Variants in NEURL1B observed in about 807,000 individuals in gnomAD.
NEURL1B encodes the protein E3 ubiquitin-protein ligase NEURL1B.
NEURL1B carries 13 observed loss-of-function variants against 37.4 expected under a neutral mutation model. The observed-to-expected ratio is 0.35, with a 90% CI of 0.23 to 0.55. The LOEUF (loss-of-function observed/expected upper bound fraction) is 0.55, where lower values mean the gene tolerates loss of function less well. Among genes scored for constraint, NEURL1B ranks in the 20% least tolerant of loss-of-function variants. The pLI, the probability that NEURL1B is intolerant of heterozygous loss-of-function variation, is 0.89. For missense variants in NEURL1B, 790 were observed against 879.2 expected (o/e 0.90, Z 1.28); for synonymous variants, 432 against 426.6 (o/e 1.01, Z -0.16).
At chr5:172,678,665 C>A (rs1758286972) in intron 2 of NEURL1B, among the ~76,000 whole-genome samples, 3 of 152,128 alleles carry the variant, frequency 2.0e-5, no homozygotes, top group Non-Finnish European at 4.4e-5. Flanking sequence ...GTAAGTGACA[C>A]CACCCCCTTG....
chr5:172,683,581 C>A lies in NEURL1B; in HGVS notation c.740C>A (p.Pro247Gln). ...GGCCACCTGGCGCTGGGCCGCGCCC[C>A]GGGCCCACCGCCAGCCGACGCCGCG... ...KLGHLALGRAPGPPPADAAAA... is the reference protein window; with the variant it reads ...KLGHLALGRAQGPPPADAAAA... Residue 247 changes from proline (P) to glutamine (Q), a missense_variant, in exon 3 of 5, where the codon CCG (proline) becomes CAG (glutamine). Physicochemically the swap from Pro to Gln is moderately conservative, Grantham distance 76. Transcript: ENST00000369800. This position sits in a 1 kb window ranked among gnomAD's most constrained non-coding sequence, Gnocchi z 5.6. 7.5e-7 allele frequency: 1 copy of A among 1,341,890 alleles called. No individual in the cohort carries two copies. The highest frequency in any genetic ancestry group is 1.7e-5 in the South Asian group (1 of 57,484). 83.1% of individuals were successfully genotyped at this position (1,341,890 alleles called of 1,614,324 possible). A position where few individuals can be genotyped will look rare whatever the true frequency, so the allele number is the denominator to read the frequency against.
chr5:172,654,296 A>G (rs936314280), intron 1 of NEURL1B, among the ~76,000 whole-genome samples: 6 of 152,320 alleles, frequency 3.9e-5, no homozygotes, highest in East Asian at 3.9e-4. Context: ...GAGCAGACCA[A>G]TTATTAGGCA....
intron 3 of NEURL1B, among the ~76,000 whole-genome samples, chr5:172,684,394 GCT>G (rs1758441776): frequency 2.0e-5 from 3 of 152,084 alleles, no homozygotes; most frequent in African/African-American, 7.2e-5. Context: ...GCCCGGAGAT[GCT>G]GACGTTGCGG....
intron 3 of NEURL1B, among the ~76,000 whole-genome samples, chr5:172,685,312 A>G (rs1019762725): frequency 1.2e-4 from 19 of 152,178 alleles, no homozygotes; most frequent in African/African-American, 4.6e-4. Flanking sequence ...TTATTTGGTC[A>G]GAGTGTTTTT....
At chr5:172,650,136 G>A (rs991504193) in intron 1 of NEURL1B, among the ~76,000 whole-genome samples, 2 of 152,158 alleles carry the variant, frequency 1.3e-5, no homozygotes, top group Non-Finnish European at 2.9e-5. Context: ...CCTCAGGCAC[G>A]TATTTTCTTT....
At chr5:172,679,362 A>G (rs2113323473) in intron 2 of NEURL1B, among the ~76,000 whole-genome samples, 1 of 152,364 alleles carries the variant, frequency 6.6e-6, no homozygotes, top group East Asian at 1.9e-4. Context: ...CCATCAGGGT[A>G]TGGAGCTGCG....
chr5:172,680,049 C>G (rs776726296), intron 2 of NEURL1B, among the ~76,000 whole-genome samples: 5 of 152,186 alleles, frequency 3.3e-5, no homozygotes, highest in Non-Finnish European at 5.9e-5. Flanking sequence ...AGCACAGGAG[C>G]CACGCCTGTG....
chr5:172,676,683 A>T lies in NEURL1B; in HGVS notation c.577+6353A>T, dbSNP rs1394055963. ...GGCCTTGGAAAGGTGTCATTTGCCCAGCTTGGAAGCACTGAGATCCCTTGT... is the reference window on the plus strand; with the variant it reads ...GGCCTTGGAAAGGTGTCATTTGCCCTGCTTGGAAGCACTGAGATCCCTTGT... On this transcript the variant is annotated intron_variant, in intron 2 of 4. Coordinates refer to ENST00000369800, the MANE Select transcript of NEURL1B (RefSeq NM_001142651.3). The surrounding 1 kb of genome is among the most constrained non-coding windows in gnomAD (Gnocchi z 4.5). 6.6e-6 allele frequency among the ~76,000 whole-genome samples: 1 copy of T among 152,228 alleles called. No homozygotes were observed. Among genetic ancestry groups the T allele is most frequent in the African/African-American group, 2.4e-5 (1 of 41,464 alleles).
In NEURL1B at chr5:172,684,151, C is replaced by G; in HGVS notation, c.1297+13C>G. ...CTGCGTCTCCTCGGTGAGTCCCCGGCCCCGCGTGCGCGAGGCCCCGCCCCT... is the reference window on the plus strand; with the variant it reads ...CTGCGTCTCCTCGGTGAGTCCCCGGGCCCGCGTGCGCGAGGCCCCGCCCCT... On this transcript the variant is annotated intron_variant, in intron 3 of 4. Transcript: ENST00000369800. The G allele has an allele frequency of 4.1e-6, 5 of 1,228,708 alleles. No homozygotes were observed. The highest frequency in any genetic ancestry group is 5.1e-6 in the Non-Finnish European group (5 of 985,036). The allele number at this position is 1,228,708 out of a possible 1,614,324, so 76.1% of individuals were successfully genotyped here.
At chr5:172,660,132 T>G (rs970964860) in intron 1 of NEURL1B, among the ~76,000 whole-genome samples, 1 of 152,146 alleles carries the variant, frequency 6.6e-6, no homozygotes, top group African/African-American at 2.4e-5. Context: ...TGAGGGCACA[T>G]TCCCCCCACC....
rs3059179 is a variant in NEURL1B at position 172,691,528 on chromosome 5, TAAAAA to T, written c.*4611_*4615del. On this transcript the variant is annotated 3_prime_UTR_variant, in exon 5 of 5. Coordinates refer to ENST00000369800, the MANE Select transcript of NEURL1B (RefSeq NM_001142651.3). Reference sequence around the variant, plus strand: ...TTAAAAAAATACAACTTTGGCTTGTTAAAAAAAAAAAAGTCTTCAGAACTCAATTT... The same window carrying T: ...TTAAAAAAATACAACTTTGGCTTGTTAAAAAAAGTCTTCAGAACTCAATTT... 1 of 147,188 alleles carries T rather than the reference TAAAAA, an allele frequency of 6.8e-6. No homozygotes were observed. The highest frequency in any genetic ancestry group is 6.8e-5 in the Admixed American group (1 of 14,714). The allele number at this position is 147,188 out of a possible 1,614,324, so 9.1% of individuals were successfully genotyped here.
Position 172,661,284 on chromosome 5 carries a change from T to A in NEURL1B, c.32-8501T>A, listed in dbSNP as rs1757896328. Among the ~76,000 whole-genome samples, 1 of 152,150 alleles carries A rather than the reference T, an allele frequency of 6.6e-6. No homozygotes were observed. The highest frequency in any genetic ancestry group is 2.1e-4 in the South Asian group (1 of 4,822). ...AGATTGTGCATGGAGTCTGGGTATG[T>A]TTCTGGGGGGAAACCCTGAAGTTGA... is the stretch of plus-strand genomic sequence containing the variant. On this transcript the variant is annotated intron_variant, in intron 1 of 4. Transcript: ENST00000369800. The surrounding 1 kb of genome is among the most constrained non-coding windows in gnomAD (Gnocchi z 4.0).
chr5:172,670,245 G>T lies in NEURL1B; in HGVS notation c.492G>T (p.Val164=). The change falls in exon 2 of 5, where the codon GTG becomes GTT. Residue 164 remains valine, a synonymous_variant. Coordinates refer to ENST00000369800, the MANE Select transcript of NEURL1B (RefSeq NM_001142651.3). ...ACAGCGTGAACGACGGCGAGCCGGT[G>T]CTCTTCCACTGCGGCGTGGCCGTGG... ...VFYSVNDGEP[V]LFHCGVAVGG... 1 of 1,402,914 alleles carries T rather than the reference G, an allele frequency of 7.1e-7. No individual in the cohort carries two copies. Among genetic ancestry groups the T allele is most frequent in the East Asian group, 3.0e-5 (1 of 33,534 alleles). 86.9% of individuals were successfully genotyped at this position (1,402,914 alleles called of 1,614,324 possible).
intron 1 of NEURL1B, among the ~76,000 whole-genome samples, chr5:172,659,902 C>T (rs1380448409): frequency 1.3e-5 from 2 of 152,218 alleles, no homozygotes; most frequent in African/African-American, 2.4e-5. Flanking sequence ...AAGCAGCTCC[C>T]CTGAGAAGCT....
At chr5:172,664,166 G>C (rs554142890) in intron 1 of NEURL1B, among the ~76,000 whole-genome samples, 2 of 152,264 alleles carry the variant, frequency 1.3e-5, no homozygotes, top group East Asian at 3.9e-4. Context: ...TACTTCAGTG[G>C]TACTTATGGA....
intron 1 of NEURL1B, among the ~76,000 whole-genome samples, chr5:172,652,583 G>A (rs544069657): frequency 3.3e-5 from 5 of 152,288 alleles, no homozygotes; most frequent in Admixed American, 2.0e-4. Context: ...GACCAACTAC[G>A]GCATAAAAGC....
chr5:172,655,526 C>T (rs1262950695), intron 1 of NEURL1B, among the ~76,000 whole-genome samples: 4 of 152,126 alleles, frequency 2.6e-5, no homozygotes, highest in Non-Finnish European at 5.9e-5. Flanking sequence ...CCACTCACTC[C>T]GTCCAGCAGT....
rs1420800760 is a variant in NEURL1B, at chr5:172,641,700, C to A, written c.31+263C>A. Reference sequence around the variant, plus strand: ...GCTTTGGCCAGATGCGCAAAAAGGGCCGCTGGGGCGATGCCGCGCGCCCCC... The same window carrying A: ...GCTTTGGCCAGATGCGCAAAAAGGGACGCTGGGGCGATGCCGCGCGCCCCC... On this transcript the variant is annotated intron_variant, in intron 1 of 4. Transcript: ENST00000369800. The surrounding 1 kb of genome is among the most constrained non-coding windows in gnomAD (Gnocchi z 6.4). 6.6e-6 allele frequency among the ~76,000 whole-genome samples: 1 copy of A among 152,226 alleles called. No homozygotes were observed. The highest frequency in any genetic ancestry group is 1.5e-5 in the Non-Finnish European group (1 of 68,036).
intron 1 of NEURL1B, among the ~76,000 whole-genome samples, chr5:172,643,505 A>G (rs1414631722): frequency 2.0e-5 from 3 of 152,094 alleles, no homozygotes; most frequent in Non-Finnish European, 4.4e-5. Flanking sequence ...TGCTATCTGG[A>G]TGCCTGAAGT....
Sources: gnomAD v4.1 joint callset for allele counts (sites outside exome capture counted in the v4.1 genomes callset) on GRCh38, gnomAD v4.1.1 for gene constraint, Gnocchi (gnomAD v3.1) non-coding constraint, MANE v1.5 for transcripts, NCBI Gene and HGNC (gene_info 2026-07-23, HGNC 2026-07-21) for gene names.